Variants in COPG2 observed in about 807,000 individuals in gnomAD.
COPG2 encodes coat protein complex I subunit gamma 2.
COPG2 carries 37 observed loss-of-function variants against 46.3 expected under a neutral mutation model. The observed-to-expected ratio is 0.80, with a 90% confidence interval of 0.61 to 1.05. The LOEUF (loss-of-function observed/expected upper bound fraction) is 1.05. Among genes scored for constraint, COPG2 ranks in the 50% least tolerant of loss-of-function variants. The probability of loss-of-function intolerance (pLI) is 0.00; values close to 1 mark genes in which losing one functional copy is unlikely to be tolerated. For synonymous variants in COPG2, 159 were observed against 129.7 expected, an observed-to-expected ratio of 1.23 and a Z score of -1.53; for missense variants, 427 against 387.8, an observed-to-expected ratio of 1.10 and a Z score of -0.85.
At chr7:130,546,774 C>G (rs1287484892) in intron 20 of COPG2, 4 of 152,116 alleles carry the variant, frequency 2.6e-5, no homozygotes, top group Admixed American at 2.6e-4. Context: ...TGAATGATGA[C>G]CAGGGATAAC....
chr7:130,637,839 T>C (rs946923595), intron 5 of COPG2, among the ~76,000 whole-genome samples: 5 of 152,194 alleles, frequency 3.3e-5, no homozygotes, highest in African/African-American at 1.2e-4. Flanking sequence ...TTGCACTGGT[T>C]TTTCCTCAGC....
intron 9 of COPG2, among the ~76,000 whole-genome samples, chr7:130,590,375 C>T (rs1182556902): frequency 6.6e-6 from 1 of 152,230 alleles, no homozygotes; most frequent in African/African-American, 2.4e-5. Flanking sequence ...CCTGCCTCAG[C>T]CTGCCGAGTG....
At chr7:130,610,555 T>C (rs782247226) in intron 9 of COPG2, 1 of 521,774 alleles carries the variant, frequency 1.9e-6, no homozygotes, top group South Asian at 1.4e-5. Flanking sequence ...TTTGGTCACA[T>C]CTTATGTGCC....
At chr7:130,657,035 G>A (rs1795872857) in intron 4 of COPG2, among the ~76,000 whole-genome samples, 1 of 150,426 alleles carries the variant, frequency 6.6e-6, no homozygotes, top group Non-Finnish European at 1.5e-5. Context: ...AATCCATATG[G>A]AAATGCAAAG....
At position 130,668,699 on chromosome 7, in the gene COPG2, C is replaced by T. The variant is rs781856609; in HGVS notation, c.-31G>A. 7.2e-6 allele frequency: 11 copies of T among 1,519,178 alleles called. No homozygotes were observed. The South Asian group carries it at 1.1e-4, about 15-fold the overall frequency. The allele number at this position is 1,519,178 out of a possible 1,614,324, so 94.1% of individuals were successfully genotyped here. On this transcript the variant is annotated 5_prime_UTR_variant, in exon 1 of 24. Transcript: ENST00000425248. ...ACGACTTCCCAGCGCCCAGACCCAC[C>T]GCAACCGTCCCAGGCGCCGCAGCCG...
intron 20 of COPG2, among the ~76,000 whole-genome samples, chr7:130,531,342 C>T (rs914464982): frequency 3.3e-5 from 5 of 152,126 alleles, no homozygotes; most frequent in Admixed American, 6.5e-5. Flanking sequence ...AGTAGCCTCA[C>T]GTAGGGTGCA....
intron 5 of COPG2, among the ~76,000 whole-genome samples, chr7:130,642,761 G>A (rs997099889): frequency 1.3e-5 from 2 of 152,298 alleles, no homozygotes; most frequent in African/African-American, 2.4e-5. Flanking sequence ...AGTAGCTCAC[G>A]CCTGTAAGCC....
chr7:130,518,335 T>C (rs1002531314), intron 20 of COPG2, among the ~76,000 whole-genome samples: 25 of 152,216 alleles, frequency 1.6e-4, no homozygotes, highest in Admixed American at 1.6e-3. Context: ...AAGAGCTTTG[T>C]TGATAAGAAA....
rs917032894 is a variant in COPG2 at position 130,559,275 on chromosome 7, A to G, written c.1128+1758T>C. Among the ~76,000 whole-genome samples, 20 of 152,292 alleles carry G rather than the reference A, an allele frequency of 1.3e-4. 1 individual carries two copies. In the South Asian group the frequency reaches 3.7e-3, roughly 28 times the overall value. ...CATTGCAGCTTCTGCCAACACCAAC[A>G]TAAGACTGCTTGTGTCCCTGTAGGT... On this transcript the variant is annotated intron_variant, in intron 12 of 23. Coordinates refer to ENST00000425248, the MANE Select transcript of COPG2 (RefSeq NM_012133.6).
chr7:130,508,710 G>A (rs782514047), intron 20 of COPG2, 51 bp from the exon 21 acceptor site: 26 of 570,050 alleles, frequency 4.6e-5, no homozygotes, highest in Non-Finnish European at 6.9e-5. Context: ...CAAGGGAGAC[G>A]TTTCCATCAT....
At chr7:130,663,176 G>T (rs1334239060) in intron 3 of COPG2, 138 bp from the exon 4 acceptor site, 1 of 542,388 alleles carries the variant, frequency 1.8e-6, no homozygotes, top group Non-Finnish European at 3.2e-6. Flanking sequence ...TAAACATTCT[G>T]CCTCTGCAAT....
chr7:130,599,053 G>A (rs1410738579), intron 9 of COPG2, among the ~76,000 whole-genome samples: 1 of 152,156 alleles, frequency 6.6e-6, no homozygotes, highest in African/African-American at 2.4e-5. Context: ...GGGACCCTTA[G>A]AGCAGGCAGC....
At chr7:130,569,386 T>C (rs1793856299) in intron 9 of COPG2, among the ~76,000 whole-genome samples, 1 of 151,836 alleles carries the variant, frequency 6.6e-6, no homozygotes, top group African/African-American at 2.4e-5. Flanking sequence ...AAAACCAAAA[T>C]ACTAGAGAAA....
intron 9 of COPG2, among the ~76,000 whole-genome samples, chr7:130,599,431 T>C (rs1794593170): frequency 2.0e-5 from 3 of 152,200 alleles, no homozygotes; most frequent in African/African-American, 7.2e-5. Context: ...AACACCCGCA[T>C]TGGGTATGAG....
chr7:130,546,574 G>A (rs2116379351), intron 20 of COPG2, among the ~76,000 whole-genome samples: 1 of 152,260 alleles, frequency 6.6e-6, no homozygotes, highest in African/African-American at 2.4e-5. Flanking sequence ...TTCCACCCAG[G>A]GCCAGAGGGA....
At chr7:130,568,037 G>A (rs1045428802) in intron 9 of COPG2, among the ~76,000 whole-genome samples, 3 of 152,176 alleles carry the variant, frequency 2.0e-5, no homozygotes, top group African/African-American at 7.2e-5. Flanking sequence ...TCAGCACTTT[G>A]GGAGGCCGAG....
At position 130,511,631 on chromosome 7, in the gene COPG2, T is replaced by C. The variant is rs375708490; in HGVS notation, c.2150-2972A>G. The C allele has an allele frequency of 1.1e-3, 577 of 517,602 alleles. 8 individuals carry two copies. The highest frequency in any genetic ancestry group is 6.0e-3 in the South Asian group (425 of 70,968). 32.1% of individuals were successfully genotyped at this position (517,602 alleles called of 1,614,324 possible). On this transcript the variant is annotated intron_variant, in intron 20 of 23. Coordinates refer to ENST00000425248, the MANE Select transcript of COPG2 (RefSeq NM_012133.6). Reference sequence around the variant, plus strand: ...ACATCAACAGGAAGGTAAGACAGCATTGCTGGGCCAAAAGTCATAAGAGAG... The same window carrying C: ...ACATCAACAGGAAGGTAAGACAGCACTGCTGGGCCAAAAGTCATAAGAGAG...
chr7:130,593,355 G>T (rs1794467777), intron 9 of COPG2, among the ~76,000 whole-genome samples: 1 of 152,192 alleles, frequency 6.6e-6, no homozygotes, highest in African/African-American at 2.4e-5. Flanking sequence ...TAATGGCCTT[G>T]GTGAGAATCT....
At chr7:130,594,521 A>C (rs1554449462) in intron 9 of COPG2, among the ~76,000 whole-genome samples, 1 of 152,238 alleles carries the variant, frequency 6.6e-6, no homozygotes, top group Non-Finnish European at 1.5e-5. Flanking sequence ...ACTTTATCAA[A>C]ATGTAAAACT....
Sources: gnomAD v4.1 joint callset for allele counts (sites outside exome capture counted in the v4.1 genomes callset) on GRCh38, gnomAD v4.1.1 for gene constraint, MANE v1.5 for transcripts, NCBI Gene and HGNC (gene_info 2026-07-23, HGNC 2026-07-21) for gene names.